The following PICALM variants were observed in gnomAD, a reference collection of about 807,000 sequenced individuals.
PICALM encodes phosphatidylinositol-binding clathrin assembly protein.
PICALM carries 40 observed loss-of-function variants against 80.5 expected under a neutral mutation model. That is an observed-to-expected ratio of 0.50 (90% CI 0.39 to 0.65). PICALM has a LOEUF of 0.65. Ranked by LOEUF, PICALM falls within the 30% of genes least tolerant of loss-of-function variation. PICALM has a pLI of 0.00. For synonymous variants in PICALM, 288 were observed against 260.3 expected, an observed-to-expected ratio of 1.11 and a Z score of -1.02; for missense variants, 676 against 778.9, an observed-to-expected ratio of 0.87 and a Z score of 1.57.
At chr11:85,988,646 T>C (rs1287613171) in intron 13 of PICALM, among the ~76,000 whole-genome samples, 1 of 149,542 alleles carries the variant, frequency 6.7e-6, no homozygotes, top group Non-Finnish European at 1.5e-5. Context: ...GGGAAGCAGC[T>C]AGGGAGGCAC....
intron 18 of PICALM, 83 bp from the exon 19 acceptor site, chr11:85,974,895 A>G: frequency 1.1e-6 from 1 of 940,138 alleles, no homozygotes; most frequent in South Asian, 1.3e-5. Flanking sequence ...AACAGGGATG[A>G]CAGGTCCTAG....
chr11:86,057,176 C>A (rs1177566640), intron 1 of PICALM, among the ~76,000 whole-genome samples: 1 of 151,560 alleles, frequency 6.6e-6, no homozygotes, highest in Middle Eastern at 3.4e-3. Context: ...GATTATGTCT[C>A]AATTTTAAAA....
At chr11:86,011,215 G>C (rs899618026) in intron 6 of PICALM, 79 bp from the exon 7 acceptor site, 55 of 640,164 alleles carry the variant, frequency 8.6e-5, no homozygotes, top group South Asian at 4.4e-4. Flanking sequence ...GTAGGTAATA[G>C]CTCCAAATAG....
chr11:85,977,507 A>G (rs1427069330), intron 17 of PICALM, among the ~76,000 whole-genome samples: 1 of 152,266 alleles, frequency 6.6e-6, no homozygotes, highest in Non-Finnish European at 1.5e-5. Context: ...TGAAAGACCA[A>G]TAACACTGCT....
intron 17 of PICALM, chr11:85,977,014 C>G (rs1216283601): frequency 6.1e-6 from 1 of 164,406 alleles, no homozygotes; most frequent in Non-Finnish European, 1.3e-5. Context: ...AAATTTAAAG[C>G]CTATCACTAT....
intron 19 of PICALM, among the ~76,000 whole-genome samples, chr11:85,962,055 A>G (rs778604370): frequency 6.6e-6 from 1 of 152,184 alleles, no homozygotes; most frequent in Admixed American, 6.5e-5. Context: ...AAATGTTCAA[A>G]GACAATGGGA....
At chr11:86,046,571 C>A (rs659863) in intron 1 of PICALM, among the ~76,000 whole-genome samples, 25 of 151,660 alleles carry the variant, frequency 1.6e-4, no homozygotes, top group Non-Finnish European at 3.7e-4. Context: ...TTCCAATACA[C>A]TGTCATGAAA....
At chr11:86,003,988 T>C (rs984189980) in intron 8 of PICALM, among the ~76,000 whole-genome samples, 10 of 152,222 alleles carry the variant, frequency 6.6e-5, no homozygotes, top group Non-Finnish European at 1.2e-4. Flanking sequence ...GGAACTCTCA[T>C]ATATCACTAG....
chr11:86,013,571 CAG>C (rs1468507586), intron 5 of PICALM, among the ~76,000 whole-genome samples: 7 of 151,756 alleles, frequency 4.6e-5, no homozygotes, highest in Non-Finnish European at 8.8e-5. Flanking sequence ...GATAAAAAAA[CAG>C]AATAAACATC....
At chr11:85,970,007 G>A (rs1168134265) in intron 19 of PICALM, among the ~76,000 whole-genome samples, 1 of 152,138 alleles carries the variant, frequency 6.6e-6, no homozygotes, top group Non-Finnish European at 1.5e-5. Flanking sequence ...ATTAAGGAGG[G>A]GCAGAGTAAG....
chr11:86,042,398 A>C (rs933755487), intron 1 of PICALM, among the ~76,000 whole-genome samples: 3 of 152,180 alleles, frequency 2.0e-5, no homozygotes, highest in Non-Finnish European at 2.9e-5. Flanking sequence ...ATAAGAATTA[A>C]AAATTTTATT....
At chr11:86,029,145 G>A (rs527781766) in intron 2 of PICALM, among the ~76,000 whole-genome samples, 20 of 151,880 alleles carry the variant, frequency 1.3e-4, no homozygotes, top group Non-Finnish European at 2.4e-4. Context: ...AGCCTGTTCT[G>A]TGCATTATTG....
At chr11:86,011,564 T>C (rs1003904090) in intron 6 of PICALM, among the ~76,000 whole-genome samples, 1 of 152,222 alleles carries the variant, frequency 6.6e-6, no homozygotes, top group Non-Finnish European at 1.5e-5. Flanking sequence ...AAGGTTAATT[T>C]ATACTAATTA....
intron 1 of PICALM, among the ~76,000 whole-genome samples, chr11:86,053,159 T>C (rs994171765): frequency 2.0e-5 from 3 of 152,224 alleles, no homozygotes; most frequent in Admixed American, 6.5e-5. Context: ...ACAACCTGAA[T>C]AGTGACACTG....
chr11:85,961,408 G>A (rs2093684353), intron 19 of PICALM, among the ~76,000 whole-genome samples: 1 of 152,140 alleles, frequency 6.6e-6, no homozygotes, highest in Non-Finnish European at 1.5e-5. Context: ...CCCTGAATAT[G>A]GGGAATACTT....
At position 86,021,945 on chromosome 11, in the gene PICALM, T is replaced by C. The variant is rs373721199; in HGVS notation, c.452+422A>G. Reference sequence around the variant, plus strand: ...GTCACATATTGTATAATTTCATTTATATGAAATGTTCAGAATAGACAAGCC... The same window carrying C: ...GTCACATATTGTATAATTTCATTTACATGAAATGTTCAGAATAGACAAGCC... On this transcript the variant is annotated intron_variant, in intron 4 of 19. Transcript: ENST00000393346. Among the ~76,000 whole-genome samples, 9 of 152,350 alleles carry C rather than the reference T, an allele frequency of 5.9e-5. No homozygotes were observed. The East Asian group carries it at 1.5e-3, about 26-fold the overall frequency.
intron 13 of PICALM, among the ~76,000 whole-genome samples, chr11:85,986,248 C>A (rs918418620): frequency 6.6e-6 from 1 of 151,614 alleles, no homozygotes; most frequent in African/African-American, 2.4e-5. Flanking sequence ...AAGTAAAAAT[C>A]TTTTAAGTAA....
At chr11:86,004,436 T>C (rs149860993) in intron 8 of PICALM, among the ~76,000 whole-genome samples, 1 of 152,034 alleles carries the variant, frequency 6.6e-6, no homozygotes, top group Non-Finnish European at 1.5e-5. Flanking sequence ...ATTGGGGAAA[T>C]AGAATTTTCC....
intron 1 of PICALM, among the ~76,000 whole-genome samples, chr11:86,050,343 G>A (rs1410391083): frequency 6.6e-6 from 1 of 151,452 alleles, no homozygotes; most frequent in Non-Finnish European, 1.5e-5. Context: ...TGTACTGCAA[G>A]TAAAAGCAAA....
Sources: gnomAD v4.1 joint callset for allele counts (sites outside exome capture counted in the v4.1 genomes callset) on GRCh38, gnomAD v4.1.1 for gene constraint, MANE v1.5 for transcripts, NCBI Gene and HGNC (gene_info 2026-07-23, HGNC 2026-07-21) for gene names.